Variants in ZSWIM6 observed in about 807,000 individuals in gnomAD.
ZSWIM6 encodes the protein zinc finger SWIM-type containing 6, also known as zinc finger SWIM domain-containing protein 6.
Under a neutral mutation model 113.2 loss-of-function variants are expected in ZSWIM6, and 9 were observed. That is an observed-to-expected ratio of 0.08 (90% CI 0.05 to 0.14). ZSWIM6 has a LOEUF of 0.14. Among genes scored for constraint, ZSWIM6 ranks in the 10% least tolerant of loss-of-function variants. The pLI, the probability that ZSWIM6 is intolerant of heterozygous loss-of-function variation, is 1.00. For missense variants in ZSWIM6, 1,162 were observed against 1,552.2 expected (o/e 0.75, Z 4.22); for synonymous variants, 611 against 606.5 (o/e 1.01, Z -0.11).
chr5:61,360,098 T>C (rs1745002157), intron 1 of ZSWIM6, among the ~76,000 whole-genome samples: 1 of 152,182 alleles, frequency 6.6e-6, no homozygotes, highest in African/African-American at 2.4e-5. Flanking sequence ...AGGTGTCCAC[T>C]GCTGCATAAA....
intron 1 of ZSWIM6, among the ~76,000 whole-genome samples, chr5:61,384,094 A>T (rs1745543593): frequency 6.8e-6 from 1 of 146,340 alleles, no homozygotes; most frequent in South Asian, 2.2e-4. Flanking sequence ...ACAAAAAATT[A>T]GCCGGGCGCG....
chr5:61,470,772 G>A (rs1747550922), intron 1 of ZSWIM6, among the ~76,000 whole-genome samples: 1 of 152,028 alleles, frequency 6.6e-6, no homozygotes, highest in Non-Finnish European at 1.5e-5. Flanking sequence ...TTGTTTTTAG[G>A]GAATGCTCTT....
At position 61,539,474 on chromosome 5, in the gene ZSWIM6, A is replaced by T. The variant is rs946393405; in HGVS notation, c.2540-122A>T. The T allele has an allele frequency of 7.6e-6, 9 of 1,177,658 alleles. No homozygotes were observed. In the South Asian group the frequency reaches 1.2e-4, roughly 16 times the overall value. 73.0% of individuals were successfully genotyped at this position (1,177,658 alleles called of 1,614,324 possible). ...TGTTAGGTAAATTAACTTGTGCTTT[A>T]TGTTTTGTTTTGTTTCTTTTTTCCC... On this transcript the variant is annotated intron_variant, in intron 11 of 13. Coordinates refer to ENST00000252744, the MANE Select transcript of ZSWIM6 (RefSeq NM_020928.2).
chr5:61,396,094 G>A (rs1006050403), intron 1 of ZSWIM6, among the ~76,000 whole-genome samples: 5 of 152,148 alleles, frequency 3.3e-5, no homozygotes, highest in African/African-American at 1.2e-4. Context: ...CGAACCAGAA[G>A]GCTGGGTTTA....
intron 1 of ZSWIM6, chr5:61,391,251 C>A: frequency 1.1e-6 from 1 of 900,734 alleles, no homozygotes; most frequent in South Asian, 1.3e-5. Flanking sequence ...ACACTTGGTT[C>A]ACAGGTACCT....
intron 6 of ZSWIM6, 33 bp downstream of exon 6, chr5:61,526,009 A>G (rs1326023661): frequency 6.5e-7 from 1 of 1,549,580 alleles, no homozygotes; most frequent in African/African-American, 1.4e-5. Context: ...CATTTCCATG[A>G]CTTACTTCTT....
intron 12 of ZSWIM6, among the ~76,000 whole-genome samples, chr5:61,541,428 A>G (rs1237528225): frequency 6.6e-6 from 1 of 152,230 alleles, no homozygotes; most frequent in African/African-American, 2.4e-5. Context: ...CAGAGATTGA[A>G]GGAATAACTA....
chr5:61,464,724 T>TA (rs1747398523), intron 1 of ZSWIM6, among the ~76,000 whole-genome samples: 1 of 152,154 alleles, frequency 6.6e-6, no homozygotes, highest in South Asian at 2.1e-4. Flanking sequence ...TAAACAGAAT[T>TA]AGTCTCCTGT....
intron 1 of ZSWIM6, among the ~76,000 whole-genome samples, chr5:61,471,395 A>G (rs1747567369): frequency 6.6e-6 from 1 of 151,734 alleles, no homozygotes; most frequent in Non-Finnish European, 1.5e-5. Context: ...GAAAGAGAGC[A>G]TGGAGGAGTT....
In ZSWIM6 at chr5:61,490,885, A is replaced by G; in HGVS notation, c.1133A>G (p.Gln378Arg). The G allele has an allele frequency of 6.5e-7, 1 of 1,542,224 alleles. No homozygotes were observed. The change falls in exon 3 of 14, where the codon CAG becomes CGG. Residue 378 changes from glutamine to arginine, a missense_variant. Coordinates refer to ENST00000252744, the MANE Select transcript of ZSWIM6 (RefSeq NM_020928.2). ...VQEQVKLFLS[Q>R]GGYHGSGKQL... ...GAACAGGTTAAACTGTTCCTTTCCC[A>G]GGGCGGGTACCACGGATCAGGGAAG...
intron 1 of ZSWIM6, among the ~76,000 whole-genome samples, chr5:61,377,989 GATGAAA>G (rs1745406051): frequency 6.6e-6 from 1 of 152,128 alleles, no homozygotes; most frequent in African/African-American, 2.4e-5. Context: ...CTATTACATT[GATGAAA>G]ATAAAAATTT....
intron 1 of ZSWIM6, among the ~76,000 whole-genome samples, chr5:61,457,061 C>T (rs940052605): frequency 3.3e-5 from 5 of 151,814 alleles, no homozygotes; most frequent in Admixed American, 1.3e-4. Context: ...CCCCATCCCC[C>T]GACCCCACCA....
chr5:61,481,960 T>C (rs1168392076), intron 2 of ZSWIM6, among the ~76,000 whole-genome samples: 1 of 152,174 alleles, frequency 6.6e-6, no homozygotes, highest in African/African-American at 2.4e-5. Flanking sequence ...AGTAAAAACA[T>C]GATAGACTTT....
intron 1 of ZSWIM6, among the ~76,000 whole-genome samples, chr5:61,390,232 AT>A (rs966156069): frequency 9.2e-5 from 14 of 151,912 alleles, no homozygotes; most frequent in African/African-American, 2.9e-4. Context: ...TTTAAAGTTC[AT>A]TTTTTTCTGT....
chr5:61,526,334 T>C lies in ZSWIM6; in HGVS notation c.1775T>C (p.Ile592Thr). 1 of 1,552,178 alleles carries C rather than the reference T, an allele frequency of 6.4e-7. No homozygotes were observed. Among genetic ancestry groups the C allele is most frequent in the Non-Finnish European group, 8.7e-7 (1 of 1,147,084 alleles). ...PREALRLAIA[I>T]VNTLRRQQQK... The stretch of plus-strand genomic sequence containing the variant: ...GAAGCACTGAGACTAGCAATAGCTA[T>C]TGTTAATACATTAAGACGACAGCAG... The change falls in exon 7 of 14, where the codon ATT becomes ACT. Residue 592 changes from isoleucine to threonine, a missense_variant. Physicochemically the swap from Ile to Thr is moderately conservative, Grantham distance 89 (BLOSUM62 -1). Around this residue, in one of 4 missense-constraint regions of ZSWIM6, gnomAD observed 620 missense variants for 804.6 expected, o/e 0.77. Transcript: ENST00000252744.
chr5:61,343,666 T>A (rs1162108228), intron 1 of ZSWIM6, among the ~76,000 whole-genome samples: 1 of 152,204 alleles, frequency 6.6e-6, no homozygotes, highest in Non-Finnish European at 1.5e-5. Context: ...GAACCTTTAC[T>A]CCTGCTGCTA....
chr5:61,535,962 G>A (rs1425539674), intron 10 of ZSWIM6, among the ~76,000 whole-genome samples: 3 of 152,208 alleles, frequency 2.0e-5, no homozygotes, highest in Non-Finnish European at 4.4e-5. Flanking sequence ...GATTTTTGAA[G>A]CAGTAGTAAA....
intron 12 of ZSWIM6, among the ~76,000 whole-genome samples, chr5:61,540,498 T>C (rs564150006): frequency 6.4e-4 from 98 of 152,198 alleles, no homozygotes; most frequent in Admixed American, 2.9e-3. Flanking sequence ...ATTAATCTGG[T>C]GTTTTAGTTG....
chr5:61,499,109 A>G (rs1359296954), intron 4 of ZSWIM6, among the ~76,000 whole-genome samples: 3 of 152,210 alleles, frequency 2.0e-5, no homozygotes, highest in Non-Finnish European at 2.9e-5. Context: ...CCATATACAT[A>G]GTTACCTCTT....
Sources: gnomAD v4.1 joint callset for allele counts (sites outside exome capture counted in the v4.1 genomes callset) on GRCh38, gnomAD v4.1.1 for gene constraint, gnomAD v4.1.1 regional missense constraint, MANE v1.5 for transcripts, NCBI Gene and HGNC (gene_info 2026-07-23, HGNC 2026-07-21) for gene names.